Variants in PCDHGB7 observed in about 807,000 individuals in gnomAD.
PCDHGB7 encodes protocadherin gamma subfamily B, 7.
PCDHGB7 carries 37 observed loss-of-function variants against 61.4 expected under a neutral mutation model. The observed-to-expected ratio is 0.60, with a 90% CI of 0.46 to 0.79. PCDHGB7 has a LOEUF of 0.79. PCDHGB7 is among the 30% of genes least tolerant of loss of function. The probability of loss-of-function intolerance (pLI) is 0.00; values close to 1 mark genes in which losing one functional copy is unlikely to be tolerated. For synonymous variants in PCDHGB7, 464 were observed against 503.5 expected, an observed-to-expected ratio of 0.92 and a Z score of 1.05; for missense variants, 1,166 against 1,202.5, an observed-to-expected ratio of 0.97 and a Z score of 0.45.
At chr5:141,421,156 C>T in intron 1 of PCDHGB7, 1 of 1,197,694 alleles carries the variant, frequency 8.3e-7, no homozygotes, top group Non-Finnish European at 1.1e-6. Flanking sequence ...CGGCCTAGGA[C>T]TTCATAGATA....
intron 1 of PCDHGB7, among the ~76,000 whole-genome samples, chr5:141,459,312 G>A (rs968359414): frequency 6.6e-6 from 1 of 152,084 alleles, no homozygotes; most frequent in African/African-American, 2.4e-5. Flanking sequence ...ATACTATTTT[G>A]TATCCATCTT....
At position 141,486,905 on chromosome 5, in the gene PCDHGB7, C is replaced by G. The variant is rs1463391292; in HGVS notation, c.2416-7902C>G. On this transcript the variant is annotated intron_variant, in intron 1 of 3. Coordinates refer to ENST00000398594, the MANE Select transcript of PCDHGB7 (RefSeq NM_018927.4). This position sits in a 1 kb window ranked among gnomAD's most constrained non-coding sequence, Gnocchi z 5.0. ...GGCCCGGCCTGGTTCCTTATGTCCC[C>G]AAGCACTGCCTCCATCAGTTGGTGC... 1 of 1,614,250 alleles carries G rather than the reference C, an allele frequency of 6.2e-7. No individual in the cohort carries two copies. The highest frequency in any genetic ancestry group is 1.3e-5 in the African/African-American group (1 of 75,066).
chr5:141,494,773 G>C, intron 1 of PCDHGB7, 34 bp from the exon 2 acceptor site: 1 of 1,613,966 alleles, frequency 6.2e-7, no homozygotes, highest in Non-Finnish European at 8.5e-7. Context: ...CTTCTCACGG[G>C]TACTCAGCCC....
At chr5:141,450,599 G>T (rs569531886) in intron 1 of PCDHGB7, among the ~76,000 whole-genome samples, 11 of 150,286 alleles carry the variant, frequency 7.3e-5, no homozygotes, top group African/African-American at 2.7e-4. Flanking sequence ...CAATTCTCCT[G>T]CCTCAGCCTC....
intron 1 of PCDHGB7, among the ~76,000 whole-genome samples, chr5:141,469,375 G>C (rs942714664): frequency 2.0e-5 from 3 of 152,076 alleles, no homozygotes; most frequent in African/African-American, 7.2e-5. Flanking sequence ...AAGAGATCGA[G>C]ACCATCCTGG....
rs770828917 is a variant in PCDHGB7 at position 141,431,306 on chromosome 5, C to G, written c.2415+11032C>G. ...GAACACTCACTTCTCCCTCATCGTG[C>G]AAAATGGAGCCGACGGTAGTAAGTA... On this transcript the variant is annotated intron_variant, in intron 1 of 3. Transcript: ENST00000398594. The surrounding 1 kb of genome is among the most constrained non-coding windows in gnomAD (Gnocchi z 4.8). 6.2e-7 allele frequency: 1 copy of G among 1,614,124 alleles called. No homozygotes were observed. The highest frequency in any genetic ancestry group is 2.2e-5 in the East Asian group (1 of 44,878).
intron 1 of PCDHGB7, among the ~76,000 whole-genome samples, chr5:141,455,082 G>A (rs1323760148): frequency 1.3e-5 from 2 of 151,932 alleles, no homozygotes; most frequent in African/African-American, 2.4e-5. Context: ...AAAGTGCTGG[G>A]ATTACAGGCT....
At chr5:141,422,058 A>G (rs1015726657) in intron 1 of PCDHGB7, 3 of 1,611,890 alleles carry the variant, frequency 1.9e-6, no homozygotes, top group African/African-American at 2.7e-5. Flanking sequence ...TCAACGGGGA[A>G]GTAATGTATT....
chr5:141,510,919 C>T (rs748157000), intron 3 of PCDHGB7, 28 bp from the exon 4 acceptor site: 1 of 1,613,894 alleles, frequency 6.2e-7, no homozygotes, highest in East Asian at 2.2e-5. Context: ...AAGTTTAGCT[C>T]CCACCTGATC....
At chr5:141,478,864 A>G in intron 1 of PCDHGB7, 1 of 1,322,156 alleles carries the variant, frequency 7.6e-7, no homozygotes, top group Non-Finnish European at 1.0e-6. Flanking sequence ...GATCTCAGCG[A>G]TCAGAGTTTA....
At position 141,457,403 on chromosome 5, in the gene PCDHGB7, C is replaced by A. The variant is rs550748216; in HGVS notation, c.2415+37129C>A. On this transcript the variant is annotated intron_variant, in intron 1 of 3. Transcript: ENST00000398594. ...GAACTAGCATATTGATTCACATTTT[C>A]ACATTACCCATCCCTTTTTCCCCCC... Among the ~76,000 whole-genome samples, 4 of 152,328 alleles carry A rather than the reference C, an allele frequency of 2.6e-5. No homozygotes were observed. In the East Asian group the frequency reaches 7.7e-4, roughly 29 times the overall value.
chr5:141,430,017 CTTG>C (rs1203011013), intron 1 of PCDHGB7, among the ~76,000 whole-genome samples: 6 of 152,096 alleles, frequency 3.9e-5, no homozygotes, highest in African/African-American at 1.2e-4. Context: ...CACTTGGGTT[CTTG>C]TTAAGTGTGA....
At chr5:141,474,772 G>T (rs1053853138) in intron 1 of PCDHGB7, among the ~76,000 whole-genome samples, 1 of 152,182 alleles carries the variant, frequency 6.6e-6, no homozygotes, top group Non-Finnish European at 1.5e-5. Context: ...AATAGTATGA[G>T]GCTCTAACAC....
intron 1 of PCDHGB7, among the ~76,000 whole-genome samples, chr5:141,463,684 G>C (rs2099066814): frequency 6.6e-6 from 1 of 151,910 alleles, no homozygotes; most frequent in African/African-American, 2.4e-5. Flanking sequence ...ATGACCTCGT[G>C]ATCTGCTCAC....
chr5:141,503,046 G>T (rs1187153008), intron 2 of PCDHGB7, among the ~76,000 whole-genome samples: 1 of 151,658 alleles, frequency 6.6e-6, no homozygotes, highest in Non-Finnish European at 1.5e-5. Flanking sequence ...GTTGAGACAG[G>T]GTTTCACCAT....
chr5:141,473,033 GGAAA>G (rs1282468299), intron 1 of PCDHGB7, among the ~76,000 whole-genome samples: 6 of 146,356 alleles, frequency 4.1e-5, no homozygotes, highest in South Asian at 2.2e-4. Flanking sequence ...AAGGAAGGAA[GGAAA>G]GAAAGAAAGA....
In PCDHGB7 at chr5:141,487,218, C is replaced by G. The variant is rs2099641338; in HGVS notation, c.2416-7589C>G. The stretch of plus-strand genomic sequence containing the variant: ...CCAGATCTTCGAGAATCTTCAGCTC[C>G]AAGGGAAGGAGAATCTCGTCTAACC... On this transcript the variant is annotated intron_variant, in intron 1 of 3. Transcript: ENST00000398594. The surrounding 1 kb of genome is among the most constrained non-coding windows in gnomAD (Gnocchi z 5.0). 1 of 1,613,820 alleles carries G rather than the reference C, an allele frequency of 6.2e-7. No homozygotes were observed. The highest frequency in any genetic ancestry group is 1.1e-5 in the South Asian group (1 of 91,078).
chr5:141,457,020 C>A (rs2098903789), intron 1 of PCDHGB7, among the ~76,000 whole-genome samples: 1 of 152,086 alleles, frequency 6.6e-6, no homozygotes, highest in Non-Finnish European at 1.5e-5. Flanking sequence ...AATAAAAAGT[C>A]CTAGTAGACT....
intron 2 of PCDHGB7, among the ~76,000 whole-genome samples, chr5:141,500,587 C>T (rs1418158417): frequency 6.6e-5 from 10 of 152,170 alleles, no homozygotes; most frequent in South Asian, 2.1e-4. Flanking sequence ...ACACTTTATT[C>T]ACATATTAAG....
Sources: gnomAD v4.1 joint callset for allele counts (sites outside exome capture counted in the v4.1 genomes callset) on GRCh38, gnomAD v4.1.1 for gene constraint, Gnocchi (gnomAD v3.1) non-coding constraint, MANE v1.5 for transcripts, NCBI Gene and HGNC (gene_info 2026-07-23, HGNC 2026-07-21) for gene names.